MME: variants seen among roughly 807,000 people sequenced by gnomAD.
MME encodes membrane metalloendopeptidase.
Under a neutral mutation model 113.2 loss-of-function variants are expected in MME, and 98 were observed. That is an observed-to-expected ratio of 0.87 (90% CI 0.74 to 1.02). The LOEUF (loss-of-function observed/expected upper bound fraction) is 1.02, where lower values mean the gene tolerates loss of function less well. Ranked by LOEUF, MME falls within the 50% of genes least tolerant of loss-of-function variation. The pLI, the probability that MME is intolerant of heterozygous loss-of-function variation, is 0.00. For missense variants in MME, 836 were observed against 896.0 expected, an observed-to-expected ratio of 0.93 and a Z score of 0.86; for synonymous variants, 292 against 300.6, an observed-to-expected ratio of 0.97 and a Z score of 0.30.
At chr3:155,175,782 T>C (rs1221770064) in intron 22 of MME, among the ~76,000 whole-genome samples, 2 of 152,102 alleles carry the variant, frequency 1.3e-5, no homozygotes, top group South Asian at 2.1e-4. Context: ...TGTCAACTAA[T>C]ATGGCTATTT....
intron 4 of MME, among the ~76,000 whole-genome samples, chr3:155,115,585 C>T (rs1718537165): frequency 6.6e-6 from 1 of 152,146 alleles, no homozygotes; most frequent in African/African-American, 2.4e-5. Context: ...CCTGCCATTA[C>T]ACCCAGCTAA....
Position 155,143,521 on chromosome 3 carries a change from G to C in MME, c.1267G>C (p.Val423Leu). Residue 423 changes from valine to leucine, a missense_variant, in exon 13 of 23, where the codon GTG becomes CTG. By Grantham distance (32) the Val-to-Leu change is conservative (BLOSUM62 1). Coordinates refer to ENST00000360490, the MANE Select transcript of MME (RefSeq NM_007289.4). ...NYVNGNMENAVGRLYVEAAFA... is the reference protein window; with the variant it reads ...NYVNGNMENALGRLYVEAAFA... ...TGTCAATGGGAATATGGAAAATGCT[G>C]TGGGGAGGCTTTATGTGGAAGCAGC... 8 of 1,612,826 alleles carry C rather than the reference G, an allele frequency of 5.0e-6. No individual in the cohort carries two copies. The highest frequency in any genetic ancestry group is 6.8e-6 in the Non-Finnish European group (8 of 1,179,026).
chr3:155,097,676 T>C (rs1716854312), intron 3 of MME, among the ~76,000 whole-genome samples: 2 of 152,200 alleles, frequency 1.3e-5, no homozygotes, highest in Non-Finnish European at 2.9e-5. Context: ...GAAGCCAAGA[T>C]GGCTGAAATG....
Position 155,181,311 on chromosome 3 carries a change from A to T in MME, c.*852A>T, listed in dbSNP as rs1284425070. The T allele has an allele frequency of 6.6e-6, 1 of 152,162 alleles. No individual in the cohort carries two copies. Among genetic ancestry groups the T allele is most frequent in the African/African-American group, 2.4e-5 (1 of 41,446 alleles). The allele number at this position is 152,162 out of a possible 1,614,324, so 9.4% of individuals were successfully genotyped here. A position where few individuals can be genotyped will look rare whatever the true frequency, so the allele number is the denominator to read the frequency against. Reference sequence around the variant, plus strand: ...AAACAGTTGTGAACCAAGATCTATAAAGCGATATACAGATGAAAATTTGAG... The same window carrying T: ...AAACAGTTGTGAACCAAGATCTATATAGCGATATACAGATGAAAATTTGAG... On this transcript the variant is annotated 3_prime_UTR_variant, in exon 23 of 23. Transcript: ENST00000360490.
At chr3:155,081,050 G>A (rs1028057350) in intron 1 of MME, 1 of 152,182 alleles carries the variant, frequency 6.6e-6, no homozygotes, top group African/African-American at 2.4e-5. Flanking sequence ...CCTAATTAAT[G>A]TCTGGGAAAC....
intron 1 of MME, among the ~76,000 whole-genome samples, chr3:155,036,356 A>G (rs1279437430): frequency 1.3e-5 from 2 of 152,222 alleles, no homozygotes; most frequent in African/African-American, 2.4e-5. Context: ...TTATGTAACC[A>G]TCACTGGAAT....
intron 1 of MME, among the ~76,000 whole-genome samples, chr3:155,033,560 A>G (rs1180841014): frequency 6.6e-6 from 1 of 152,198 alleles, no homozygotes; most frequent in Non-Finnish European, 1.5e-5. Flanking sequence ...TTAGATGAGA[A>G]TATCAACTAC....
chr3:155,163,957 C>T, intron 17 of MME, among the ~76,000 whole-genome samples: 1 of 151,800 alleles, frequency 6.6e-6, no homozygotes, highest in Non-Finnish European at 1.5e-5. Flanking sequence ...GCCTGGGCAA[C>T]ACTGTAAAAC....
rs76611114 is a variant in MME, at chr3:155,069,575, G to A, written c.-10-14583G>A. ...GAGACACCTTCAAATAATATTATTC[G>A]TATCATTCCTTGTTATAATGTGAAA... On this transcript the variant is annotated intron_variant, in intron 1 of 22. Transcript: ENST00000492661. Among the ~76,000 whole-genome samples the A allele has an allele frequency of 4.8e-3, 732 of 152,184 alleles. 5 individuals carry two copies. The highest frequency in any genetic ancestry group is 0.017 in the African/African-American group (696 of 41,524).
At chr3:155,084,889 TA>T (rs1255839398) in intron 2 of MME, among the ~76,000 whole-genome samples, 169 bp from the exon 3 acceptor site, 1 of 152,208 alleles carries the variant, frequency 6.6e-6, no homozygotes, top group Non-Finnish European at 1.5e-5. Flanking sequence ...TTACTTATTT[TA>T]TTTTCTTATA....
At chr3:155,144,234 T>A (rs1349822079) in intron 13 of MME, 125 bp from the exon 14 acceptor site, 5 of 716,978 alleles carry the variant, frequency 7.0e-6, no homozygotes, top group Non-Finnish European at 7.6e-6. Context: ...GGTCACAGTT[T>A]GTCTATAAAT....
intron 8 of MME, among the ~76,000 whole-genome samples, chr3:155,137,589 C>T (rs1304205427): frequency 6.6e-6 from 1 of 151,950 alleles, no homozygotes; most frequent in East Asian, 1.9e-4. Flanking sequence ...GCCTGTACTC[C>T]CAGCTACTTG....
At chr3:155,039,431 T>C (rs1006461838) in intron 1 of MME, among the ~76,000 whole-genome samples, 10 of 152,212 alleles carry the variant, frequency 6.6e-5, no homozygotes, top group Admixed American at 2.0e-4. Flanking sequence ...ATTAGAGACC[T>C]GTTTGGGTTA....
chr3:155,126,199 G>A (rs1719636730), intron 8 of MME, among the ~76,000 whole-genome samples: 1 of 152,156 alleles, frequency 6.6e-6, no homozygotes, highest in Non-Finnish European at 1.5e-5. Flanking sequence ...GAGCAATGCA[G>A]CTGCTTTCTG....
At chr3:155,166,828 G>T in intron 17 of MME, 74 bp from the exon 18 acceptor site, 1 of 1,583,778 alleles carries the variant, frequency 6.3e-7, no homozygotes, top group African/African-American at 1.3e-5. Flanking sequence ...GAGGAGGGAG[G>T]ACTGTCTCTA....
intron 3 of MME, among the ~76,000 whole-genome samples, chr3:155,092,123 A>G (rs1289108487): frequency 6.6e-6 from 1 of 152,212 alleles, no homozygotes; most frequent in Non-Finnish European, 1.5e-5. Flanking sequence ...AGATTGGATG[A>G]TGCTCAGCCA....
In MME at chr3:155,118,733, A is replaced by G. The variant is rs1219102754; in HGVS notation, c.655-13A>G. ...CTGAATGATTTATTTTCTTTTATGT[A>G]TATTTTTTATAGATTGACCAACCTC... On this transcript the variant is annotated splice_polypyrimidine_tract_variant and intron_variant, in intron 7 of 22. Transcript: ENST00000360490. 6 of 1,513,558 alleles carry G rather than the reference A, an allele frequency of 4.0e-6. No homozygotes were observed. Among genetic ancestry groups the G allele is most frequent in the Non-Finnish European group, 4.6e-6 (5 of 1,095,090 alleles). The allele number at this position is 1,513,558 out of a possible 1,614,324, so 93.8% of individuals were successfully genotyped here. A position where few individuals can be genotyped will look rare whatever the true frequency, so the allele number is the denominator to read the frequency against.
chr3:155,147,066 G>T (rs1721571281), intron 14 of MME, 78 bp from the exon 15 acceptor site: 2 of 893,876 alleles, frequency 2.2e-6, no homozygotes, highest in Non-Finnish European at 1.9e-6. Flanking sequence ...TTATTCAATT[G>T]CTAGTCATGG....
At chr3:155,097,974 T>A (rs1417699045) in intron 3 of MME, among the ~76,000 whole-genome samples, 1 of 152,172 alleles carries the variant, frequency 6.6e-6, no homozygotes. Context: ...CAGCACTGTT[T>A]TAGATGCTAA....
Sources: allele counts gnomAD v4.1 joint callset (sites outside exome capture counted in the v4.1 genomes callset), GRCh38; gene constraint gnomAD v4.1.1; transcripts MANE v1.5; gene names NCBI Gene and HGNC (gene_info 2026-07-23, HGNC 2026-07-21).